The following ABCC4 variants were observed in gnomAD, a reference collection of about 807,000 sequenced individuals.
ABCC4 encodes ATP-binding cassette sub-family C member 4.
ABCC4 carries 102 observed loss-of-function variants against 168.5 expected under a neutral mutation model. That is an observed-to-expected ratio of 0.61 (90% CI 0.52 to 0.71). The LOEUF (loss-of-function observed/expected upper bound fraction) is 0.71. Ranked by LOEUF, ABCC4 falls within the 30% of genes least tolerant of loss-of-function variation. ABCC4 has a pLI of 0.00. For missense variants in ABCC4, 1,402 were observed against 1,605.8 expected (o/e 0.87, Z 2.17); for synonymous variants, 617 against 590.7 (o/e 1.04, Z -0.65).
intron 19 of ABCC4, among the ~76,000 whole-genome samples, chr13:95,127,474 C>G (rs1191994246): frequency 6.6e-6 from 1 of 152,086 alleles, no homozygotes; most frequent in Non-Finnish European, 1.5e-5. Flanking sequence ...GACGAGGTTT[C>G]TCCATGTTGG....
intron 11 of ABCC4, 60 bp downstream of exon 11, chr13:95,186,641 C>G (rs2038069786): frequency 9.5e-6 from 14 of 1,474,092 alleles, no homozygotes; most frequent in Non-Finnish European, 1.1e-5. Flanking sequence ...CCTTGTTGTT[C>G]AAGTGAACAC....
intron 3 of ABCC4, among the ~76,000 whole-genome samples, chr13:95,237,209 G>A (rs555514332): frequency 5.9e-5 from 9 of 152,190 alleles, no homozygotes; most frequent in African/African-American, 9.6e-5. Context: ...TTTCCCTGCC[G>A]AGAGACAGCA....
chr13:95,204,985 A>T (rs1439074579), intron 8 of ABCC4, among the ~76,000 whole-genome samples: 1 of 152,196 alleles, frequency 6.6e-6, no homozygotes, highest in East Asian at 1.9e-4. Context: ...CCGTCTGAAA[A>T]AGGTGTCCTG....
chr13:95,167,519 G>A (rs890924844), intron 14 of ABCC4, among the ~76,000 whole-genome samples: 1 of 152,152 alleles, frequency 6.6e-6, no homozygotes, highest in Admixed American at 6.5e-5. Flanking sequence ...CCCCCAAAAG[G>A]TGGGTCCACT....
At chr13:95,247,165 A>G in intron 2 of ABCC4, 70 bp from the exon 3 acceptor site, 1 of 1,515,992 alleles carries the variant, frequency 6.6e-7, no homozygotes, top group Non-Finnish European at 9.0e-7. Context: ...GAGATGGCAG[A>G]GTGACAGGTA....
At chr13:95,058,849 T>C (rs71431502) in intron 26 of ABCC4, among the ~76,000 whole-genome samples, 15,119 of 152,246 alleles carry the variant, frequency 0.099, 996 homozygotes, top group Admixed American at 0.17. Flanking sequence ...CCTTGCACGG[T>C]GCTGCCAGGC....
intron 19 of ABCC4, among the ~76,000 whole-genome samples, chr13:95,151,970 A>G (rs998219999): frequency 3.3e-5 from 5 of 152,202 alleles, no homozygotes; most frequent in African/African-American, 1.2e-4. Context: ...TTTACTTCTT[A>G]AGGGCATGAA....
chr13:95,234,892 TTTTAC>T (rs2039722598), intron 3 of ABCC4, 58 bp from the exon 4 acceptor site: 14 of 1,230,892 alleles, frequency 1.1e-5, no homozygotes, highest in African/African-American at 1.5e-5. Flanking sequence ...CATTTTTTCT[TTTTAC>T]TTTCTCTTTT....
chr13:95,025,261 ACCC>A (rs1673063115), intron 30 of ABCC4, among the ~76,000 whole-genome samples: 7 of 15,780 alleles, frequency 4.4e-4, no homozygotes, highest in Non-Finnish European at 5.3e-4. Context: ...ACACACACAC[ACCC>A]CCACACCCCC....
At chr13:95,172,035 AG>A (rs2037495076) in intron 13 of ABCC4, among the ~76,000 whole-genome samples, 1 of 152,230 alleles carries the variant, frequency 6.6e-6, no homozygotes, top group Non-Finnish European at 1.5e-5. Context: ...TGCTATGTCC[AG>A]TATCAGCCAA....
At chr13:95,269,835 G>A (rs1202228313) in intron 1 of ABCC4, among the ~76,000 whole-genome samples, 4 of 152,094 alleles carry the variant, frequency 2.6e-5, no homozygotes, top group Non-Finnish European at 5.9e-5. Context: ...GTGGGGTTTT[G>A]CAAGAAAAGA....
At chr13:95,058,567 C>CAAAAAAAAAAAAAAA (rs1165324016) in intron 26 of ABCC4, among the ~76,000 whole-genome samples, 30 of 62,780 alleles carry the variant, frequency 4.8e-4, no homozygotes, top group Non-Finnish European at 7.6e-4. Flanking sequence ...GACTCCATCT[C>CAAAAAAAAAAAAAAA]AAAAAAAAAA....
At chr13:95,166,594 T>C (rs1054653773) in intron 14 of ABCC4, among the ~76,000 whole-genome samples, 1 of 152,244 alleles carries the variant, frequency 6.6e-6, no homozygotes, top group East Asian at 1.9e-4. Flanking sequence ...ATGGTAATAG[T>C]GTGTTACAAA....
At position 95,246,999 on chromosome 13, in the gene ABCC4, A is replaced by G; in HGVS notation, c.282T>C (p.Val94=). Residue 94 remains valine (V), a synonymous_variant, in exon 3 of 31, where the codon GTT becomes GTC. Coordinates refer to ENST00000645237, the MANE Select transcript of ABCC4 (RefSeq NM_005845.5). ...CCTCAATTAACGTAAAAATTCCCAA[A>G]ACTAAATAAGATTTCCAGTAACACT... ...IIKCYWKSYL[V]LGIFTLIEES... is the part of the protein sequence containing the mutation. 6.2e-7 allele frequency: 1 copy of G among 1,612,600 alleles called. No homozygotes were observed. Among genetic ancestry groups the G allele is most frequent in the Non-Finnish European group, 8.5e-7 (1 of 1,179,156 alleles).
intron 1 of ABCC4, among the ~76,000 whole-genome samples, chr13:95,249,217 T>TA (rs772149188): frequency 2.3e-3 from 107 of 46,372 alleles, no homozygotes; most frequent in African/African-American, 0.011. Flanking sequence ...AGGCTTTGTC[T>TA]AAAAAAAAAA....
chr13:95,166,027 G>C (rs1172020579), intron 15 of ABCC4, 131 bp downstream of exon 15: 11 of 856,428 alleles, frequency 1.3e-5, no homozygotes, highest in Non-Finnish European at 2.0e-5. Flanking sequence ...CAATATCATG[G>C]AATAGAGCCC....
At chr13:95,214,570 T>C (rs903362157) in intron 4 of ABCC4, among the ~76,000 whole-genome samples, 1 of 151,814 alleles carries the variant, frequency 6.6e-6, no homozygotes, top group Non-Finnish European at 1.5e-5. Flanking sequence ...AACAGAACAA[T>C]ATTTACAGTG....
intron 14 of ABCC4, among the ~76,000 whole-genome samples, chr13:95,168,162 G>A (rs898273587): frequency 4.6e-5 from 7 of 152,132 alleles, no homozygotes; most frequent in African/African-American, 9.7e-5. Context: ...ATGAGCCACC[G>A]CGCCTCGCCA....
intron 21 of ABCC4, among the ~76,000 whole-genome samples, chr13:95,078,206 G>T (rs114573375): frequency 6.6e-6 from 1 of 152,048 alleles, no homozygotes; most frequent in African/African-American, 2.4e-5. Context: ...GAGTCCACAG[G>T]GTTCTCTCTA....
Sources: gnomAD v4.1 joint callset for allele counts (sites outside exome capture counted in the v4.1 genomes callset) on GRCh38, gnomAD v4.1.1 for gene constraint, MANE v1.5 for transcripts, NCBI Gene and HGNC (gene_info 2026-07-23, HGNC 2026-07-21) for gene names.